Variants in PRMT8 observed in about 807,000 individuals in gnomAD.
PRMT8 encodes protein arginine methyltransferase 8.
Under a neutral mutation model 47.1 loss-of-function variants are expected in PRMT8, and 7 were observed. That is an observed-to-expected ratio of 0.15 (90% CI 0.08 to 0.28). PRMT8 has a LOEUF of 0.28. Ranked by LOEUF, PRMT8 falls within the 10% of genes least tolerant of loss-of-function variation. The probability of loss-of-function intolerance (pLI) is 1.00; values close to 1 mark genes in which losing one functional copy is unlikely to be tolerated. For synonymous variants in PRMT8, 188 were observed against 186.5 expected (o/e 1.01, Z -0.07); for missense variants, 237 against 505.4 (o/e 0.47, Z 5.09).
At chr12:3,406,185 C>G (rs1029962640) in intron 1 of PRMT8, among the ~76,000 whole-genome samples, 1 of 152,222 alleles carries the variant, frequency 6.6e-6, no homozygotes, top group Admixed American at 6.5e-5. Flanking sequence ...ACTTTGGCCC[C>G]TTTTAGCCAA....
intron 4 of PRMT8, among the ~76,000 whole-genome samples, chr12:3,560,099 A>G (rs1037957077): frequency 1.3e-5 from 2 of 152,076 alleles, no homozygotes; most frequent in African/African-American, 2.4e-5. Flanking sequence ...AGGGTTTGCA[A>G]CAGGTGGGTA....
chr12:3,486,430 C>T (rs1343279431), upstream of PRMT8, among the ~76,000 whole-genome samples: 1 of 152,150 alleles, frequency 6.6e-6, no homozygotes, highest in Non-Finnish European at 1.5e-5. Flanking sequence ...TAAGTCTCTT[C>T]ACCTTTTAGT....
At chr12:3,577,443 C>T (rs1331184550) in intron 7 of PRMT8, among the ~76,000 whole-genome samples, 2 of 152,104 alleles carry the variant, frequency 1.3e-5, no homozygotes, top group Non-Finnish European at 2.9e-5. Flanking sequence ...ATAGAGCTTC[C>T]AGCTGCCCCT....
chr12:3,429,480 AG>A (rs1471038802), intron 1 of PRMT8, among the ~76,000 whole-genome samples: 1 of 152,236 alleles, frequency 6.6e-6, no homozygotes, highest in African/African-American at 2.4e-5. Flanking sequence ...CACAAAACAA[AG>A]AACAGGTAAA....
chr12:3,482,276 T>C (rs1865282299), intron 1 of PRMT8, among the ~76,000 whole-genome samples: 1 of 152,162 alleles, frequency 6.6e-6, no homozygotes, highest in Non-Finnish European at 1.5e-5. Context: ...AAGACCATCT[T>C]TGTAGGTTGG....
Position 3,381,759 on chromosome 12 carries a change from T to C in PRMT8, c.48+317T>C, listed in dbSNP as rs138448896. Among the ~76,000 whole-genome samples the C allele has an allele frequency of 1.1e-4, 16 of 152,344 alleles. No individual in the cohort carries two copies. In the East Asian group the frequency reaches 3.1e-3, roughly 29 times the overall value. ...CCAGTTTTCCCTCACCTTGCAAGAC[T>C]ATAGCACAATATTGTAACCTGGAAA... On this transcript the variant is annotated intron_variant, in intron 1 of 9. Transcript: ENST00000452611.
chr12:3,427,176 C>A (rs1427995931), intron 1 of PRMT8, among the ~76,000 whole-genome samples: 3 of 151,972 alleles, frequency 2.0e-5, no homozygotes, highest in Admixed American at 1.3e-4. Context: ...ATTTTTATAC[C>A]AGATAAGCTG....
chr12:3,491,866 GTGT>G (rs1865412536), intron 1 of PRMT8, among the ~76,000 whole-genome samples, 166 bp downstream of exon 1: 2 of 117,684 alleles, frequency 1.7e-5, no homozygotes, highest in East Asian at 5.1e-4. Context: ...GTGTGTGTGT[GTGT>G]GTGTGTGTGT....
rs1478108617 is a variant in PRMT8, at chr12:3,580,671, T to C, written c.829-2387T>C. ...TCGGCCAGGGCAAGGGCGAAGGTGGTGAGACTGCGATATGAGCCAGAAGTG... is the reference window on the plus strand; with the variant it reads ...TCGGCCAGGGCAAGGGCGAAGGTGGCGAGACTGCGATATGAGCCAGAAGTG... On this transcript the variant is annotated intron_variant, in intron 7 of 9. Transcript: ENST00000382622. This position sits in a 1 kb window ranked among gnomAD's most constrained non-coding sequence, Gnocchi z 4.6. Among the ~76,000 whole-genome samples, 2 of 151,980 alleles carry C rather than the reference T, an allele frequency of 1.3e-5. No individual in the cohort carries two copies.
At chr12:3,433,954 A>G (rs942352308) in intron 1 of PRMT8, among the ~76,000 whole-genome samples, 2 of 152,326 alleles carry the variant, frequency 1.3e-5, no homozygotes, top group Admixed American at 6.5e-5. Context: ...AGTGAGATGC[A>G]TAGCCCAACA....
At chr12:3,465,052 T>C (rs866793415) in intron 1 of PRMT8, among the ~76,000 whole-genome samples, 1 of 150,008 alleles carries the variant, frequency 6.7e-6, no homozygotes. Context: ...GAGGCGGAGG[T>C]TGCAGTGAGC....
chr12:3,559,052 G>T (rs978304635), intron 4 of PRMT8, among the ~76,000 whole-genome samples: 21 of 151,622 alleles, frequency 1.4e-4, no homozygotes, highest in Middle Eastern at 3.2e-3. Flanking sequence ...CATCCATCCA[G>T]CCAGCCAGCC....
In PRMT8 at chr12:3,540,728, C is replaced by T; in HGVS notation, c.198C>T (p.Asn66=). ...PGRGKMSKLL[N]PEEMTSRDYY... ...GGGGCAAGATGTCCAAGCTGCTGAA[C>T]CCAGAGGAGATGACCTCGAGAGATT... The change falls in exon 2 of 10, where the codon AAC becomes AAT. Residue 66 remains asparagine, a synonymous_variant. Coordinates refer to ENST00000382622, the MANE Select transcript of PRMT8 (RefSeq NM_019854.5). The T allele has an allele frequency of 6.3e-7, 1 of 1,599,442 alleles. No homozygotes were observed. Among genetic ancestry groups the T allele is most frequent in the Non-Finnish European group, 8.5e-7 (1 of 1,170,700 alleles).
chr12:3,560,234 T>A (rs192440921), intron 4 of PRMT8, among the ~76,000 whole-genome samples: 47 of 152,336 alleles, frequency 3.1e-4, no homozygotes, highest in African/African-American at 9.9e-4. Context: ...TTTGAAATGC[T>A]GCAACAGCCA....
intron 1 of PRMT8, among the ~76,000 whole-genome samples, chr12:3,397,934 T>A (rs1864274886): frequency 6.6e-6 from 1 of 152,118 alleles, no homozygotes; most frequent in Admixed American, 6.5e-5. Flanking sequence ...TTTAAGCCCG[T>A]CGGAAAAGCG....
chr12:3,560,372 T>A (rs1314714159), intron 4 of PRMT8, among the ~76,000 whole-genome samples: 1 of 152,228 alleles, frequency 6.6e-6, no homozygotes, highest in East Asian at 1.9e-4. Context: ...GATGGAGTTA[T>A]TCACATGTAG....
At chr12:3,516,647 T>G (rs924921918) in intron 1 of PRMT8, among the ~76,000 whole-genome samples, 2 of 152,052 alleles carry the variant, frequency 1.3e-5, no homozygotes, top group Non-Finnish European at 2.9e-5. Context: ...AATAAAGACT[T>G]GAGTGAGGTT....
chr12:3,467,829 G>A (rs1312634091), intron 1 of PRMT8, among the ~76,000 whole-genome samples: 4 of 152,226 alleles, frequency 2.6e-5, no homozygotes, highest in Non-Finnish European at 5.9e-5. Context: ...GAAGCGAAGC[G>A]AAGGGACCTC....
intron 3 of PRMT8, chr12:3,553,377 C>G: frequency 1.9e-6 from 1 of 530,598 alleles, no homozygotes; most frequent in Non-Finnish European, 3.4e-6. Flanking sequence ...GTCTGCCAGC[C>G]CCTTTTGAGT....
Sources: allele counts gnomAD v4.1 joint callset (sites outside exome capture counted in the v4.1 genomes callset), GRCh38; gene constraint gnomAD v4.1.1; non-coding constraint Gnocchi (gnomAD v3.1); transcripts MANE v1.5; gene names NCBI Gene and HGNC (gene_info 2026-07-23, HGNC 2026-07-21).